The following DNAAF8 variants were observed in gnomAD, a reference collection of about 807,000 sequenced individuals.
The protein encoded by DNAAF8 is dynein axonemal assembly factor 8.
In DNAAF8, 61 loss-of-function variants were observed where a neutral mutation model predicts 54.6. That is an observed-to-expected ratio of 1.12 (90% CI 0.91 to 1.38). The LOEUF (loss-of-function observed/expected upper bound fraction) is 1.38, where lower values mean the gene tolerates loss of function less well. DNAAF8 is among the 40% of genes most tolerant of loss of function. DNAAF8 has a pLI of 0.00. For synonymous variants in DNAAF8, 320 were observed against 270.1 expected, an observed-to-expected ratio of 1.18 and a Z score of -1.81; for missense variants, 837 against 665.0, an observed-to-expected ratio of 1.26 and a Z score of -2.85.
intron 9 of DNAAF8, among the ~76,000 whole-genome samples, chr16:4,747,859 G>C (rs2082037893): frequency 6.6e-6 from 1 of 152,132 alleles, no homozygotes; most frequent in Admixed American, 6.6e-5. Flanking sequence ...AACAGCTTTG[G>C]GATAAAGGGG....
At chr16:4,746,536 A>T (rs1014655549) in intron 7 of DNAAF8, 24 bp downstream of exon 7, 20 of 1,605,650 alleles carry the variant, frequency 1.2e-5, no homozygotes, top group Non-Finnish European at 1.7e-5. Context: ...TGACTACCCC[A>T]TACCAGCCTC....
In DNAAF8 at chr16:4,747,404, C is replaced by G. The variant is rs755235213; in HGVS notation, c.1342C>G (p.Gln448Glu). 1 of 1,612,626 alleles carries G rather than the reference C, an allele frequency of 6.2e-7. No homozygotes were observed. The highest frequency in any genetic ancestry group is 8.5e-7 in the Non-Finnish European group (1 of 1,179,748). The part of the protein sequence containing the change: ...QLRAFQKGTA[Q>E]PELPASKGPA... The stretch of plus-strand genomic sequence containing the variant: ...CAGGGCCTTTCAGAAGGGGACAGCC[C>G]AGCCCGAGCTGCCTGCCAGCAAGGG... Residue 448 changes from glutamine to glutamate, a missense_variant, in exon 9 of 10, where the codon CAG (glutamine) becomes GAG (glutamate). By Grantham distance (29) the Gln-to-Glu change is conservative. Coordinates refer to ENST00000299320, the MANE Select transcript of DNAAF8 (RefSeq NM_139170.3).
chr16:4,744,004 A>T (rs1333160211), intron 5 of DNAAF8, among the ~76,000 whole-genome samples: 1 of 143,578 alleles, frequency 7.0e-6, no homozygotes, highest in African/African-American at 2.6e-5. Flanking sequence ...ATCTCGGTTC[A>T]CTGCAACCTC....
chr16:4,738,526 G>A (rs748866558), intron 3 of DNAAF8, among the ~76,000 whole-genome samples: 1 of 152,246 alleles, frequency 6.6e-6, no homozygotes, highest in Non-Finnish European at 1.5e-5. Flanking sequence ...TGCCAGTGCT[G>A]GAGGCTGAGA....
chr16:4,747,667 C>G (rs763493455), intron 9 of DNAAF8, 33 bp downstream of exon 9: 2 of 1,564,162 alleles, frequency 1.3e-6, no homozygotes, highest in South Asian at 1.2e-5. Context: ...CAGGGGCGGG[C>G]TGACTTGCCA....
intron 6 of DNAAF8, among the ~76,000 whole-genome samples, chr16:4,745,952 C>CAAAA (rs58259917): frequency 8.8e-6 from 1 of 113,508 alleles, no homozygotes; most frequent in Non-Finnish European, 1.8e-5. Context: ...GACTCTGTCT[C>CAAAA]AAAAAAAAAA....
At chr16:4,747,287 G>T in intron 8 of DNAAF8, 56 bp from the exon 9 acceptor site, 1 of 1,506,100 alleles carries the variant, frequency 6.6e-7, no homozygotes, top group Non-Finnish European at 8.9e-7. Context: ...CAGTAAGGAG[G>T]GCTGGGAGGG....
chr16:4,736,356 T>C (rs1345709729), intron 1 of DNAAF8, 108 bp from the exon 2 acceptor site: 2 of 722,512 alleles, frequency 2.8e-6, no homozygotes, highest in East Asian at 6.7e-5. Context: ...CTGAGGCAGG[T>C]GGTGAGGCCT....
intron 3 of DNAAF8, among the ~76,000 whole-genome samples, chr16:4,739,608 G>C (rs1455731170): frequency 4.7e-5 from 7 of 149,908 alleles, no homozygotes; most frequent in Non-Finnish European, 1.5e-5. Flanking sequence ...GAATACAATG[G>C]TGCCCTCACT....
chr16:4,737,281 G>A (rs544903101), intron 2 of DNAAF8, among the ~76,000 whole-genome samples: 2 of 152,246 alleles, frequency 1.3e-5, no homozygotes, highest in African/African-American at 2.4e-5. Flanking sequence ...GACCTCAGAC[G>A]TCATCCAGTG....
rs377114180 is a variant in DNAAF8 at position 4,740,369 on chromosome 16, C to T, written c.493C>T (p.Pro165Ser). 3.1e-6 allele frequency: 5 copies of T among 1,613,748 alleles called. No individual in the cohort carries two copies. The South Asian group carries it at 3.3e-5, about 11-fold the overall frequency. Residue 165 changes from proline to serine, a missense_variant, in exon 4 of 10, where the codon CCC becomes TCC. By Grantham distance (74) the Pro-to-Ser change is moderately conservative. Transcript: ENST00000299320. Reference protein sequence around the residue: ...SFNTKGSQGPPWDPQAEATLS... With the variant: ...SFNTKGSQGPSWDPQAEATLS... ...CAACACCAAAGGATCCCAGGGTCCTCCCTGGGACCCACAGGCCGAAGCCAC... is the reference window on the plus strand; with the variant it reads ...CAACACCAAAGGATCCCAGGGTCCTTCCTGGGACCCACAGGCCGAAGCCAC...
chr16:4,744,797 T>G, intron 5 of DNAAF8, 73 bp from the exon 6 acceptor site: 1 of 1,523,804 alleles, frequency 6.6e-7, no homozygotes, highest in Non-Finnish European at 9.0e-7. Context: ...CCAGGGGTCC[T>G]GAGGCTCCAG....
intron 3 of DNAAF8, among the ~76,000 whole-genome samples, chr16:4,739,262 C>CTTTTTTTTTTTTTTTTTTTTT: frequency 2.8e-5 from 1 of 36,280 alleles, no homozygotes; most frequent in East Asian, 1.0e-3. Context: ...ATGATTTTTT[C>CTTTTTTTTTTTTTTTTTTTTT]TTGTTTTTTT....
intron 3 of DNAAF8, 88 bp downstream of exon 3, chr16:4,738,034 C>G: frequency 3.5e-6 from 5 of 1,421,198 alleles, no homozygotes; most frequent in Non-Finnish European, 4.8e-6. Flanking sequence ...AGCATTTCCA[C>G]GATATGCTAG....
chr16:4,747,907 G>A (rs1310223082), intron 9 of DNAAF8, among the ~76,000 whole-genome samples: 2 of 152,178 alleles, frequency 1.3e-5, no homozygotes, highest in African/African-American at 2.4e-5. Flanking sequence ...GACAGCAGGA[G>A]GACGGGGTGC....
chr16:4,747,505 C>G lies in DNAAF8; in HGVS notation c.1443C>G (p.Leu481=). ...CTGGGAGGAAGCAACACATGAAGCT[C>G]TGTGCCAAGGGGCAGAGCGCCCAGG... ...SRTGRKQHMK[L]CAKGQSAQAR... is the part of the protein sequence containing the mutation. The change falls in exon 9 of 10, where the codon CTC becomes CTG. Residue 481 remains leucine (L), a synonymous_variant. Transcript: ENST00000299320. 1 of 1,613,290 alleles carries G rather than the reference C, an allele frequency of 6.2e-7. No individual in the cohort carries two copies. Among genetic ancestry groups the G allele is most frequent in the Non-Finnish European group, 8.5e-7 (1 of 1,179,968 alleles).
intron 5 of DNAAF8, chr16:4,743,707 A>C (rs1318245342): frequency 6.6e-6 from 1 of 152,348 alleles, no homozygotes; most frequent in Non-Finnish European, 1.5e-5. Flanking sequence ...CAGAGGAGCC[A>C]GGGCAGGTGC....
At chr16:4,739,262 C>CTTT (rs1596482355) in intron 3 of DNAAF8, among the ~76,000 whole-genome samples, 1 of 36,240 alleles carries the variant, frequency 2.8e-5, no homozygotes, top group African/African-American at 7.4e-5. Context: ...ATGATTTTTT[C>CTTT]TTGTTTTTTT....
In DNAAF8 at chr16:4,740,658, A is replaced by G; in HGVS notation, c.782A>G (p.Gln261Arg). 6.3e-7 allele frequency: 1 copy of G among 1,587,252 alleles called. No individual in the cohort carries two copies. The highest frequency in any genetic ancestry group is 8.5e-7 in the Non-Finnish European group (1 of 1,170,160). ...GAGGGACCACCAGTGCTCTCGCTCC[A>G]GGTAGGCGCCTCCCCGTGCCTGGCT... Reference protein sequence around the residue: ...PPEGPPVLSLQQLEAWDLDDI... With the variant: ...PPEGPPVLSLRQLEAWDLDDI... The change falls in exon 4 of 10, where the codon CAG (glutamine) becomes CGG (arginine). Residue 261 changes from glutamine to arginine, a missense_variant and splice_region_variant. Gln to Arg is a conservative substitution (Grantham distance 43). Coordinates refer to ENST00000299320, the MANE Select transcript of DNAAF8 (RefSeq NM_139170.3).
Sources: gnomAD v4.1 joint callset for allele counts (sites outside exome capture counted in the v4.1 genomes callset) on GRCh38, gnomAD v4.1.1 for gene constraint, MANE v1.5 for transcripts, NCBI Gene and HGNC (gene_info 2026-07-23, HGNC 2026-07-21) for gene names.